The following VCAN variants were observed in gnomAD, a reference collection of about 807,000 sequenced individuals.
The protein encoded by VCAN is versican, also known as versican core protein.
A neutral mutation model predicts 245.5 loss-of-function variants in VCAN; 44 were observed. The observed-to-expected ratio is 0.18, with a 90% CI of 0.14 to 0.23. The LOEUF is 0.23. Among genes scored for constraint, VCAN ranks in the 10% least tolerant of loss-of-function variants. VCAN has a pLI of 1.00. For missense variants in VCAN, 3,793 were observed against 4,057.9 expected, an observed-to-expected ratio of 0.93 and a Z score of 1.77; for synonymous variants, 1,413 against 1,437.0, an observed-to-expected ratio of 0.98 and a Z score of 0.38.
chr5:83,533,965 A>G (rs549690519), intron 7 of VCAN: 37 of 152,230 alleles, frequency 2.4e-4, no homozygotes, highest in African/African-American at 8.7e-4. Context: ...TAGTTAGCTA[A>G]ATTATTATAC....
intron 10 of VCAN, among the ~76,000 whole-genome samples, chr5:83,552,102 T>C (rs1442486055): frequency 1.3e-5 from 2 of 152,222 alleles, no homozygotes; most frequent in South Asian, 4.1e-4. Context: ...CTGCATCTGT[T>C]GTGTGAGTAT....
At chr5:83,528,822 T>G (rs1746403107) in intron 7 of VCAN, among the ~76,000 whole-genome samples, 1 of 152,104 alleles carries the variant, frequency 6.6e-6, no homozygotes, top group Non-Finnish European at 1.5e-5. Context: ...AGTTAGGGAA[T>G]CTGGAGTCAG....
Position 83,521,103 on chromosome 5 carries a change from C to G in VCAN, c.2797C>G (p.Leu933Val). Reference sequence around the variant, plus strand: ...TTTGGGTGAAGTAGAAGATGTGGACCTCTCTAAGCCAGTATCTACTGTTCC... The same window carrying G: ...TTTGGGTGAAGTAGAAGATGTGGACGTCTCTAAGCCAGTATCTACTGTTCC... ...SALGEVEDVD[L>V]SKPVSTVPQF... The change falls in exon 7 of 15, where the codon CTC becomes GTC. Residue 933 changes from leucine to valine, a missense_variant. Around this residue, in one of 5 missense-constraint regions of VCAN, gnomAD observed 3,182 missense variants for 3,250.3 expected, o/e 0.98. Coordinates refer to ENST00000265077, the MANE Select transcript of VCAN (RefSeq NM_004385.5). The G allele has an allele frequency of 1.2e-6, 2 of 1,614,136 alleles. No homozygotes were observed. The highest frequency in any genetic ancestry group is 1.7e-6 in the Non-Finnish European group (2 of 1,179,986).
intron 5 of VCAN, among the ~76,000 whole-genome samples, chr5:83,500,246 A>G (rs1580610118): frequency 1.3e-5 from 2 of 152,302 alleles, no homozygotes; most frequent in South Asian, 2.1e-4. Context: ...TGATTTCAGA[A>G]TCTCTTCACA....
At chr5:83,481,569 A>G (rs374847492) in intron 1 of VCAN, among the ~76,000 whole-genome samples, 4 of 152,206 alleles carry the variant, frequency 2.6e-5, no homozygotes, top group Non-Finnish European at 4.4e-5. Flanking sequence ...AGTGTTTAAC[A>G]AAGTCTATTA....
chr5:83,500,117 G>T (rs1263927249), intron 5 of VCAN, among the ~76,000 whole-genome samples: 8 of 152,038 alleles, frequency 5.3e-5, no homozygotes, highest in African/African-American at 1.9e-4. Flanking sequence ...CACTGATGAA[G>T]GTTATTTAAG....
At position 83,582,019 on chromosome 5, in the gene VCAN, C is replaced by T. The variant is rs1344959463; in HGVS notation, c.*1585C>T. ...TTTGGCTTAGAAGGAATGACTCTAG[C>T]TACAATAATACACAGTATGTTTAAG... On this transcript the variant is annotated 3_prime_UTR_variant, in exon 15 of 15. Coordinates refer to ENST00000265077, the MANE Select transcript of VCAN (RefSeq NM_004385.5). 2 of 151,982 alleles carry T rather than the reference C, an allele frequency of 1.3e-5. No homozygotes were observed. Among genetic ancestry groups the T allele is most frequent in the African/African-American group, 4.8e-5 (2 of 41,376 alleles). 9.4% of individuals were successfully genotyped at this position (151,982 alleles called of 1,614,324 possible). A position where few individuals can be genotyped will look rare whatever the true frequency, so the allele number is the denominator to read the frequency against.
intron 5 of VCAN, among the ~76,000 whole-genome samples, chr5:83,499,593 C>T (rs1745269108): frequency 7.1e-6 from 1 of 141,842 alleles, no homozygotes; most frequent in Non-Finnish European, 1.5e-5. Flanking sequence ...TTTCTCCTCT[C>T]ACTCTTTTCT....
intron 12 of VCAN, among the ~76,000 whole-genome samples, chr5:83,571,966 A>G (rs182590609): frequency 8.8e-4 from 134 of 152,300 alleles, no homozygotes; most frequent in African/African-American, 3.2e-3. Flanking sequence ...AGTACAGATA[A>G]GACAAGACAG....
rs1745065137 is a variant in VCAN, at chr5:83,493,899, A to T, written c.716A>T (p.Tyr239Phe). 1 of 1,614,000 alleles carries T rather than the reference A, an allele frequency of 6.2e-7. No individual in the cohort carries two copies. Among genetic ancestry groups the T allele is most frequent in the Non-Finnish European group, 8.5e-7 (1 of 1,179,986 alleles). The change falls in exon 5 of 15, where the codon TAC (tyrosine) becomes TTC (phenylalanine). Residue 239 changes from tyrosine (Y) to phenylalanine (F), a missense_variant. Coordinates refer to ENST00000265077, the MANE Select transcript of VCAN (RefSeq NM_004385.5). ...GGATTCCGTTCTCCCCAGGAAACTT[A>T]CGATGTGTATTGTTATGTGGATCAT... ...TYGFRSPQET[Y>F]DVYCYVDHLD...
rs561194951 is a variant in VCAN, at chr5:83,546,215, T to C, written c.9379+565T>C. Among the ~76,000 whole-genome samples, 6 of 150,996 alleles carry C rather than the reference T, an allele frequency of 4.0e-5. No individual in the cohort carries two copies. In the East Asian group the frequency reaches 9.7e-4, roughly 24 times the overall value. On this transcript the variant is annotated intron_variant, in intron 9 of 14. Transcript: ENST00000265077. ...ATAATTGACCCTCACACTCCCATATTCTTATTTAGGCATCCTTCTCTTTAA... is the reference window on the plus strand; with the variant it reads ...ATAATTGACCCTCACACTCCCATATCCTTATTTAGGCATCCTTCTCTTTAA...
intron 2 of VCAN, among the ~76,000 whole-genome samples, chr5:83,488,562 T>C (rs1483335797): frequency 6.6e-6 from 1 of 152,216 alleles, no homozygotes; most frequent in East Asian, 1.9e-4. Context: ...GAGAATTTAC[T>C]TTGTAAGCCA....
rs2652098 is a variant in VCAN, at chr5:83,512,253, C to T, written c.899C>T (p.Ser300Leu). 24,366 of 1,614,130 alleles carry T rather than the reference C, an allele frequency of 0.015. 1,350 individuals carry two copies. The East Asian group carries it at 0.17, about 11-fold the overall frequency. ...GFDQCDYGWL[S>L]DASVRHPVTV... ...GACCAGTGCGATTACGGGTGGCTGT[C>T]GGATGCCAGCGTGCGCCACCCTGTG... Residue 300 changes from serine (S) to leucine (L), a missense_variant, in exon 6 of 15, where the codon TCG (serine) becomes TTG (leucine). Transcript: ENST00000265077.
At chr5:83,577,940 T>G (rs540350302) in intron 13 of VCAN, among the ~76,000 whole-genome samples, 1 of 152,298 alleles carries the variant, frequency 6.6e-6, no homozygotes, top group South Asian at 2.1e-4. Context: ...TTAGAAGAAA[T>G]CTATACAATT....
At chr5:83,524,712 T>A (rs1472565253) in intron 7 of VCAN, among the ~76,000 whole-genome samples, 1 of 152,146 alleles carries the variant, frequency 6.6e-6, no homozygotes, top group Non-Finnish European at 1.5e-5. Flanking sequence ...ATATTATTTA[T>A]TTTCTATGAG....
intron 3 of VCAN, 71 bp downstream of exon 3, chr5:83,490,543 C>G: frequency 6.3e-7 from 1 of 1,597,992 alleles, no homozygotes. Context: ...AGAAATAGCA[C>G]TCAGAAGTAA....
In VCAN at chr5:83,538,808, T is replaced by C. The variant is rs1489249084; in HGVS notation, c.5805T>C (p.Ser1935=). The part of the protein sequence containing the change: ...STGFPLEEDF[S]GDFREYSTVS... ...GTTTTCCTTTGGAGGAAGATTTCAG[T>C]GGTGACTTTAGAGAATACTCAACAG... The change falls in exon 8 of 15, where the codon AGT becomes AGC. Residue 1935 remains serine (S), a synonymous_variant. Transcript: ENST00000265077. 1.2e-6 allele frequency: 2 copies of C among 1,613,846 alleles called. No individual in the cohort carries two copies. The highest frequency in any genetic ancestry group is 1.7e-6 in the Non-Finnish European group (2 of 1,179,968).
chr5:83,573,799 C>T (rs572283908), intron 13 of VCAN, among the ~76,000 whole-genome samples: 1 of 152,092 alleles, frequency 6.6e-6, no homozygotes, highest in Middle Eastern at 3.4e-3. Context: ...ATCTGAAATA[C>T]CATGATGAAC....
At chr5:83,508,590 A>G (rs6896022) in intron 5 of VCAN, among the ~76,000 whole-genome samples, 8,387 of 152,258 alleles carry the variant, frequency 0.055, 768 homozygotes, top group African/African-American at 0.19. Context: ...GAAGGCTTAA[A>G]TAGTTATTTT....
Sources: gnomAD v4.1 joint callset for allele counts (sites outside exome capture counted in the v4.1 genomes callset) on GRCh38, gnomAD v4.1.1 for gene constraint, gnomAD v4.1.1 regional missense constraint, MANE v1.5 for transcripts, NCBI Gene and HGNC (gene_info 2026-07-23, HGNC 2026-07-21) for gene names.